Variants in SCHIP1 observed in about 807,000 individuals in gnomAD.
The protein encoded by SCHIP1 is schwannomin-interacting protein 1.
In SCHIP1, 8 loss-of-function variants were observed where a neutral mutation model predicts 29.7. The observed-to-expected ratio is 0.27, with a 90% CI of 0.16 to 0.49. The LOEUF is 0.49. SCHIP1 is among the 20% of genes least tolerant of loss of function. The pLI is 0.99. For missense variants in SCHIP1, 193 were observed against 294.6 expected, an observed-to-expected ratio of 0.66 and a Z score of 2.52; for synonymous variants, 76 against 94.9, an observed-to-expected ratio of 0.80 and a Z score of 1.16.
At chr3:159,728,106 T>C in the SCHIP1 span, among the ~76,000 whole-genome samples, 1 of 152,082 alleles carries the variant, frequency 6.6e-6, no homozygotes, top group African/African-American at 2.4e-5. Flanking sequence ...GTAAGCTGCA[T>C]GATGTCAGAT....
the SCHIP1 span, among the ~76,000 whole-genome samples, chr3:159,751,930 C>T: frequency 2.0e-5 from 3 of 152,086 alleles, no homozygotes; most frequent in Non-Finnish European, 4.4e-5. Context: ...GTGGATACTT[C>T]GTACATACTT....
the SCHIP1 span, among the ~76,000 whole-genome samples, chr3:159,821,319 T>C: frequency 4.5e-4 from 68 of 152,004 alleles, no homozygotes; most frequent in Non-Finnish European, 1.0e-4. Flanking sequence ...TCTAGGAGAG[T>C]GTGGGAGTAA....
the SCHIP1 span, among the ~76,000 whole-genome samples, chr3:159,669,428 C>T: frequency 6.6e-6 from 1 of 152,338 alleles, no homozygotes; most frequent in East Asian, 1.9e-4. Context: ...TCATTAGACC[C>T]AGTGTCTATC....
At chr3:159,703,714 G>T in the SCHIP1 span, among the ~76,000 whole-genome samples, 3 of 152,112 alleles carry the variant, frequency 2.0e-5, no homozygotes, top group African/African-American at 7.2e-5. Context: ...TTTTATTCTT[G>T]TTAAGAAACA....
chr3:159,692,350 T>C, the SCHIP1 span, among the ~76,000 whole-genome samples: 1 of 152,062 alleles, frequency 6.6e-6, no homozygotes, highest in Admixed American at 6.6e-5. Context: ...CCCGTCACTT[T>C]CAGGTACACC....
the SCHIP1 span, among the ~76,000 whole-genome samples, chr3:159,391,226 G>GT: frequency 3.9e-5 from 6 of 152,180 alleles, 1 homozygote; most frequent in East Asian, 1.9e-4. Context: ...TTCTCCTAGA[G>GT]TTTTTTTACT....
chr3:159,783,372 C>A, the SCHIP1 span, among the ~76,000 whole-genome samples: 7 of 152,256 alleles, frequency 4.6e-5, no homozygotes, highest in East Asian at 1.4e-3. Flanking sequence ...AGCTGCCCAG[C>A]CCCAGGCAAG....
At chr3:159,686,093 C>T in the SCHIP1 span, among the ~76,000 whole-genome samples, 1 of 152,118 alleles carries the variant, frequency 6.6e-6, no homozygotes, top group Non-Finnish European at 1.5e-5. Flanking sequence ...ACAGGACAAC[C>T]CCATATTAAA....
the SCHIP1 span, among the ~76,000 whole-genome samples, chr3:159,437,715 G>T: frequency 0.77 from 117,072 of 152,044 alleles, 45,224 homozygotes; most frequent in South Asian, 0.89. Context: ...CAGTAAGCTG[G>T]ATTCTTGCTC....
the SCHIP1 span, among the ~76,000 whole-genome samples, chr3:159,400,460 C>T: frequency 6.6e-6 from 1 of 152,176 alleles, no homozygotes; most frequent in Admixed American, 6.5e-5. Context: ...TTATCCTAAT[C>T]TCCCTTTCAA....
At chr3:159,374,010 A>G in the SCHIP1 span, among the ~76,000 whole-genome samples, 3 of 152,192 alleles carry the variant, frequency 2.0e-5, no homozygotes, top group African/African-American at 7.2e-5. Flanking sequence ...AGTTTTCCAT[A>G]ATGGCTGTAC....
the SCHIP1 span, among the ~76,000 whole-genome samples, chr3:159,636,588 G>A: frequency 3.3e-5 from 5 of 152,254 alleles, no homozygotes; most frequent in African/African-American, 7.2e-5. Context: ...AAAATTTACC[G>A]CTGTTTTCCT....
At chr3:159,872,893 T>C (rs545269467) in intron 2 of SCHIP1, among the ~76,000 whole-genome samples, 1 of 152,310 alleles carries the variant, frequency 6.6e-6, no homozygotes, top group East Asian at 1.9e-4. Flanking sequence ...AAATTCTTCA[T>C]TGAACTGGAA....
chr3:159,786,992 T>C, the SCHIP1 span, among the ~76,000 whole-genome samples: 1 of 152,146 alleles, frequency 6.6e-6, no homozygotes, highest in African/African-American at 2.4e-5. Flanking sequence ...AGCTTTGGTA[T>C]TGACTGGCAA....
At chr3:159,779,397 G>A in the SCHIP1 span, among the ~76,000 whole-genome samples, 737 of 151,916 alleles carry the variant, frequency 4.9e-3, 8 homozygotes, top group African/African-American at 0.017. Flanking sequence ...GCCAGGTGCA[G>A]TGGCTCACGC....
chr3:159,522,341 G>A, the SCHIP1 span, among the ~76,000 whole-genome samples: 1 of 152,220 alleles, frequency 6.6e-6, no homozygotes, highest in East Asian at 1.9e-4. Flanking sequence ...AGGTTTGCAA[G>A]TAATAGAGTT....
At chr3:159,556,015 A>G in the SCHIP1 span, among the ~76,000 whole-genome samples, 1 of 152,214 alleles carries the variant, frequency 6.6e-6, no homozygotes, top group African/African-American at 2.4e-5. Context: ...GTGTATACCT[A>G]TGTAACAAAC....
chr3:159,298,255 T>C, the SCHIP1 span, among the ~76,000 whole-genome samples: 4 of 152,310 alleles, frequency 2.6e-5, no homozygotes, highest in South Asian at 8.3e-4. Flanking sequence ...ATTCCTGGTG[T>C]CCAGAAGATT....
At chr3:159,706,722 C>G in the SCHIP1 span, among the ~76,000 whole-genome samples, 2 of 152,040 alleles carry the variant, frequency 1.3e-5, no homozygotes, top group African/African-American at 4.8e-5. Flanking sequence ...TTACTATACT[C>G]CCCTGAATAG....
Sources: gnomAD v4.1 joint callset for allele counts (sites outside exome capture counted in the v4.1 genomes callset) on GRCh38, gnomAD v4.1.1 for gene constraint, MANE v1.5 for transcripts, NCBI Gene and HGNC (gene_info 2026-07-23, HGNC 2026-07-21) for gene names.